Variants in CD33 observed in about 807,000 individuals in gnomAD.
The protein encoded by CD33 is CD33 molecule.
In CD33, 25 loss-of-function variants were observed where a neutral mutation model predicts 31.4. The observed-to-expected ratio is 0.80, with a 90% CI of 0.58 to 1.11. CD33 has a LOEUF of 1.11. CD33 is among the 50% of genes most tolerant of loss of function. CD33 has a pLI of 0.00. For missense variants in CD33, 407 were observed against 448.1 expected (o/e 0.91, Z 0.83); for synonymous variants, 176 against 180.6 (o/e 0.97, Z 0.20).
rs769157344 is a variant in CD33, at chr19:51,225,595, A to T, written c.415A>T (p.Thr139Ser). The T allele has an allele frequency of 2.6e-6, 4 of 1,553,578 alleles. No individual in the cohort carries two copies. In the African/African-American group the frequency reaches 5.5e-5, roughly 21 times the overall value. Reference sequence around the variant, plus strand: ...ATCTCCCCAGCTCTCTGTGCATGTGACAGGTGAGGCACAGGCTTCAGAAGT... The same window carrying T: ...ATCTCCCCAGCTCTCTGTGCATGTGTCAGGTGAGGCACAGGCTTCAGAAGT... ...YKSPQLSVHVTDLTHRPKILI... is the reference protein window; with the variant it reads ...YKSPQLSVHVSDLTHRPKILI... The change falls in exon 2 of 7, where the codon ACA (threonine) becomes TCA (serine). Residue 139 changes from threonine to serine, a missense_variant. Transcript: ENST00000262262.
the CD33 span, among the ~76,000 whole-genome samples, chr19:51,218,001 G>A: frequency 7.2e-5 from 11 of 152,264 alleles, no homozygotes; most frequent in East Asian, 1.9e-4. Flanking sequence ...ACAAACATAC[G>A]AGTGCAGGTA....
chr19:51,228,156 G>T (rs1981166541), intron 4 of CD33, among the ~76,000 whole-genome samples: 1 of 152,080 alleles, frequency 6.6e-6, no homozygotes, highest in South Asian at 2.1e-4. Context: ...TTGAAATTTT[G>T]AAATTTTCTA....
chr19:51,215,292 G>A, the CD33 span, among the ~76,000 whole-genome samples: 1 of 152,176 alleles, frequency 6.6e-6, no homozygotes, highest in Admixed American at 6.5e-5. Flanking sequence ...GCCTGTGTCT[G>A]TCCCAACCCG....
rs2123335964 is a variant in CD33, at chr19:51,239,345, A to G, written c.925-173A>G. On this transcript the variant is annotated intron_variant, in intron 6 of 6. Coordinates refer to ENST00000262262, the MANE Select transcript of CD33 (RefSeq NM_001772.4). ...AATTGCGAATCAATCAATACGTGCT[A>G]CATGTGTTAGATAATGAATAAGTAG... is the stretch of plus-strand genomic sequence containing the variant. 4 of 514,112 alleles carry G rather than the reference A, an allele frequency of 7.8e-6. No homozygotes were observed. In the East Asian group the frequency reaches 9.9e-5, roughly 13 times the overall value. 31.8% of individuals were successfully genotyped at this position (514,112 alleles called of 1,614,324 possible).
chr19:51,236,975 C>A (rs184502766), intron 6 of CD33: 1 of 152,234 alleles, frequency 6.6e-6, no homozygotes, highest in African/African-American at 2.4e-5. Flanking sequence ...ATTCCAACAA[C>A]TTGGTCTGGC....
At chr19:51,211,492 G>T in the CD33 span, 2 of 1,554,176 alleles carry the variant, frequency 1.3e-6, no homozygotes, top group Non-Finnish European at 1.7e-6. Flanking sequence ...CATCGTAGAC[G>T]CCAGGAGGAG....
At chr19:51,235,733 T>G in intron 6 of CD33, 57 bp downstream of exon 6, 1 of 1,379,674 alleles carries the variant, frequency 7.2e-7, no homozygotes, top group Non-Finnish European at 1.0e-6. Flanking sequence ...CCTCCCAATG[T>G]GGCCCACCGT....
intron 2 of CD33, 70 bp from the exon 3 acceptor site, chr19:51,225,733 G>A (rs1980958256): frequency 6.4e-7 from 1 of 1,555,426 alleles, no homozygotes; most frequent in Admixed American, 1.8e-5. Context: ...TTGACCAGAG[G>A]TTGATCTTCT....
At chr19:51,217,030 A>G in the CD33 span, among the ~76,000 whole-genome samples, 1 of 152,194 alleles carries the variant, frequency 6.6e-6, no homozygotes, top group African/African-American at 2.4e-5. Flanking sequence ...CAAGCGGTGG[A>G]AAGGACACTG....
chr19:51,213,474 T>C, the CD33 span, among the ~76,000 whole-genome samples: 1 of 152,128 alleles, frequency 6.6e-6, no homozygotes, highest in Non-Finnish European at 1.5e-5. Context: ...AATTTCTCCA[T>C]ATTCTTGCAA....
At chr19:51,235,387 C>A in intron 5 of CD33, 134 bp downstream of exon 5, 1 of 1,214,120 alleles carries the variant, frequency 8.2e-7, no homozygotes, top group Admixed American at 2.2e-5. Context: ...AGCCTGTGGC[C>A]ACTGGGATAG....
the CD33 span, among the ~76,000 whole-genome samples, chr19:51,216,267 T>TGTGTGTG: frequency 4.0e-5 from 6 of 149,820 alleles, no homozygotes; most frequent in Non-Finnish European, 7.4e-5. Context: ...TGTGTGTGTG[T>TGTGTGTG]TTCTTGTATG....
At chr19:51,211,423 G>A in the CD33 span, 16 of 1,571,272 alleles carry the variant, frequency 1.0e-5, no homozygotes, top group African/African-American at 2.2e-4. Flanking sequence ...AGTACAGGAG[G>A]AGACTCAGGG....
At chr19:51,234,717 C>T (rs1021351419) in intron 4 of CD33, among the ~76,000 whole-genome samples, 1 of 152,200 alleles carries the variant, frequency 6.6e-6, no homozygotes, top group Non-Finnish European at 1.5e-5. Flanking sequence ...CCTGCCCCAC[C>T]CTGCTTCCAG....
At chr19:51,219,050 TATGTGAAATATGACA>T in the CD33 span, among the ~76,000 whole-genome samples, 6 of 152,338 alleles carry the variant, frequency 3.9e-5, no homozygotes, top group South Asian at 1.2e-3. Context: ...TTTTTCAAAT[TATGTGAAATATGACA>T]TTGGTATTTT....
the CD33 span, among the ~76,000 whole-genome samples, chr19:51,214,031 C>T: frequency 2.5e-3 from 367 of 148,124 alleles, 1 homozygote; most frequent in Middle Eastern, 7.5e-3. Context: ...GGATAATTTT[C>T]GTATTTTTAG....
At position 51,225,502 on chromosome 19, in the gene CD33, G is replaced by A. The variant is rs150563546; in HGVS notation, c.322G>A (p.Ala108Thr). The A allele has an allele frequency of 6.4e-5, 103 of 1,612,916 alleles. 1 individual carries two copies. In the South Asian group the frequency reaches 7.1e-4, roughly 11 times the overall value. ...CAACTGCTCCCTGAGCATCGTAGAC[G>A]CCAGGAGGAGGGATAATGGTTCATA... The part of the protein sequence containing the change: ...RNNCSLSIVD[A>T]RRRDNGSYFF... The change falls in exon 2 of 7, where the codon GCC (alanine) becomes ACC (threonine). Residue 108 changes from alanine to threonine, a missense_variant. Transcript: ENST00000262262.
At chr19:51,224,400 C>T (rs543955570), upstream of CD33, among the ~76,000 whole-genome samples, 2 of 152,138 alleles carry the variant, frequency 1.3e-5, no homozygotes, top group Admixed American at 1.3e-4. Context: ...AGACTCTCCC[C>T]CTACCTCCCT....
Position 51,229,796 on chromosome 19 carries a change from G to T in CD33, c.745+3440G>T, listed in dbSNP as rs541406469. On this transcript the variant is annotated intron_variant, in intron 4 of 6. Coordinates refer to ENST00000262262, the MANE Select transcript of CD33 (RefSeq NM_001772.4). ...TGTCTTCTGTCTCTTTCTTAGTTTA[G>T]CTAATGATTGTCAATTTTATTTATT... Among the ~76,000 whole-genome samples, 33 of 151,292 alleles carry T rather than the reference G, an allele frequency of 2.2e-4. No individual in the cohort carries two copies. The South Asian group carries it at 6.9e-3, about 32-fold the overall frequency.
Sources: gnomAD v4.1 joint callset for allele counts (sites outside exome capture counted in the v4.1 genomes callset) on GRCh38, gnomAD v4.1.1 for gene constraint, MANE v1.5 for transcripts, NCBI Gene and HGNC (gene_info 2026-07-23, HGNC 2026-07-21) for gene names.